The following SIAH1 variants were observed in gnomAD, a reference collection of about 807,000 sequenced individuals.
SIAH1 encodes the protein siah E3 ubiquitin protein ligase 1.
A neutral mutation model predicts 20.0 loss-of-function variants in SIAH1; 2 were observed. The observed-to-expected ratio is 0.10, with a 90% CI of 0.04 to 0.31. The LOEUF is 0.31. Among genes scored for constraint, SIAH1 ranks in the 10% least tolerant of loss-of-function variants. The probability of loss-of-function intolerance (pLI) is 1.00; values close to 1 mark genes in which losing one functional copy is unlikely to be tolerated. For missense variants in SIAH1, 119 were observed against 355.3 expected (o/e 0.33, Z 5.35); for synonymous variants, 118 against 125.3 (o/e 0.94, Z 0.39).
Position 48,370,714 on chromosome 16 carries a change from G to C in SIAH1, c.-2-8284C>G, listed in dbSNP as rs956555373. Reference sequence around the variant, plus strand: ...CCAGCTATTCGGGAGACTGAGGCAGGAGAATGGCGTGAATCCGGGAGGCGG... The same window carrying C: ...CCAGCTATTCGGGAGACTGAGGCAGCAGAATGGCGTGAATCCGGGAGGCGG... On this transcript the variant is annotated intron_variant, in intron 1 of 1. Transcript: ENST00000394725. 2.0e-4 allele frequency among the ~76,000 whole-genome samples: 31 copies of C among 151,444 alleles called. 1 individual carries two copies. The highest frequency in any genetic ancestry group is 1.9e-3 in the Admixed American group (29 of 15,178).
intron 1 of SIAH1, among the ~76,000 whole-genome samples, chr16:48,371,502 A>G (rs1960985915): frequency 6.6e-6 from 1 of 152,266 alleles, no homozygotes; most frequent in Non-Finnish European, 1.5e-5. Flanking sequence ...AGAATCACAT[A>G]TTCTAAGTCT....
intron 1 of SIAH1, among the ~76,000 whole-genome samples, 199 bp downstream of exon 1, chr16:48,385,005 C>T (rs1229199562): frequency 2.0e-5 from 3 of 147,652 alleles, no homozygotes; most frequent in Admixed American, 6.7e-5. Flanking sequence ...CTTGCGAAGG[C>T]TGAAGGCAGG....
At chr16:48,368,979 G>GTATTCT in intron 1 of SIAH1, among the ~76,000 whole-genome samples, 1 of 152,064 alleles carries the variant, frequency 6.6e-6, no homozygotes, top group Non-Finnish European at 1.5e-5. Flanking sequence ...TTGACATTGT[G>GTATTCT]GCAGGTATTA....
rs1042711607 is a variant in SIAH1, at chr16:48,361,318, G to C, written c.*262C>G. On this transcript the variant is annotated 3_prime_UTR_variant, in exon 2 of 2. Coordinates refer to ENST00000394725, the MANE Select transcript of SIAH1 (RefSeq NM_003031.4). ...ACAAAACTCAGAATTATTTTACAAT[G>C]CTTCCTTTCTTAATACAAAAGATGC... 2.4e-5 allele frequency: 9 copies of C among 370,196 alleles called. No individual in the cohort carries two copies. Among genetic ancestry groups the C allele is most frequent in the African/African-American group, 1.7e-4 (8 of 48,264 alleles). The allele number at this position is 370,196 out of a possible 1,614,324, so 22.9% of individuals were successfully genotyped here.
intron 1 of SIAH1, among the ~76,000 whole-genome samples, chr16:48,375,278 T>G (rs1313697678): frequency 6.6e-6 from 1 of 152,220 alleles, no homozygotes; most frequent in Non-Finnish European, 1.5e-5. Context: ...GTGTGCTGCC[T>G]TCTTTAAATA....
chr16:48,379,703 T>C (rs756851785), intron 1 of SIAH1, among the ~76,000 whole-genome samples: 1 of 152,168 alleles, frequency 6.6e-6, no homozygotes, highest in Non-Finnish European at 1.5e-5. Flanking sequence ...TTCAGGAGGA[T>C]ATGTTACAGT....
rs547051624 is a variant in SIAH1 at position 48,371,458 on chromosome 16, TTTAAA to T, written c.-2-9033_-2-9029del. ...TCAAGAAAATAAACTTCCTAAAGTC[TTTAAA>T]TTAAACCTTTACTTTCCATCAAAGT... is the stretch of plus-strand genomic sequence containing the variant. On this transcript the variant is annotated intron_variant, in intron 1 of 1. Coordinates refer to ENST00000394725, the MANE Select transcript of SIAH1 (RefSeq NM_003031.4). Among the ~76,000 whole-genome samples the T allele has an allele frequency of 1.5e-4, 23 of 152,370 alleles. No individual in the cohort carries two copies. In the East Asian group the frequency reaches 3.3e-3, roughly 22 times the overall value.
At chr16:48,383,425 C>A (rs1189028521) in intron 1 of SIAH1, among the ~76,000 whole-genome samples, 1 of 152,188 alleles carries the variant, frequency 6.6e-6, no homozygotes, top group East Asian at 1.9e-4. Flanking sequence ...ATCCTCTCCA[C>A]CATAATTTGA....
intron 1 of SIAH1, among the ~76,000 whole-genome samples, chr16:48,367,515 A>G (rs1015328383): frequency 2.0e-5 from 3 of 152,214 alleles, no homozygotes; most frequent in African/African-American, 7.2e-5. Flanking sequence ...GACTGTTTCC[A>G]GCCTCAACTG....
Position 48,385,207 on chromosome 16 carries a change from T to C in SIAH1, c.-6A>G. On this transcript the variant is annotated 5_prime_UTR_variant, in exon 1 of 2. Transcript: ENST00000394725. ...CCTCAGGCCGGGCCCCACTTACCTG[T>C]GGGCGGAGAGCGCGCCTCGGACCCC... is the stretch of plus-strand genomic sequence containing the variant. 2 of 324,300 alleles carry C rather than the reference T, an allele frequency of 6.2e-6. No individual in the cohort carries two copies. The highest frequency in any genetic ancestry group is 4.1e-5 in the South Asian group (2 of 48,528). The allele number at this position is 324,300 out of a possible 1,614,324, so 20.1% of individuals were successfully genotyped here.
chr16:48,366,674 T>C (rs1960849843), intron 1 of SIAH1, among the ~76,000 whole-genome samples: 1 of 152,200 alleles, frequency 6.6e-6, no homozygotes, highest in Non-Finnish European at 1.5e-5. Flanking sequence ...TAACCTGTCA[T>C]TACATCATGC....
chr16:48,367,413 T>TATGG (rs1230202643), intron 1 of SIAH1, among the ~76,000 whole-genome samples: 9 of 152,210 alleles, frequency 5.9e-5, no homozygotes, highest in African/African-American at 2.2e-4. Context: ...CAGGCCCCTC[T>TATGG]ACTTAATTAA....
At chr16:48,368,652 C>G (rs567569660) in intron 1 of SIAH1, among the ~76,000 whole-genome samples, 1 of 151,756 alleles carries the variant, frequency 6.6e-6, no homozygotes, top group Admixed American at 6.6e-5. Context: ...GAGCCAAGAT[C>G]GACTTGAACC....
Position 48,385,195 on chromosome 16 carries a change from C to T in SIAH1, c.-3+9G>A, listed in dbSNP as rs1443062938. On this transcript the variant is annotated intron_variant, in intron 1 of 1. Coordinates refer to ENST00000394725, the MANE Select transcript of SIAH1 (RefSeq NM_003031.4). The stretch of plus-strand genomic sequence containing the variant: ...CGCCGGCTCCTCCCTCAGGCCGGGC[C>T]CCACTTACCTGTGGGCGGAGAGCGC... The T allele has an allele frequency of 3.2e-6, 1 of 313,652 alleles. No homozygotes were observed. Among genetic ancestry groups the T allele is most frequent in the South Asian group, 2.1e-5 (1 of 47,010 alleles). 19.4% of individuals were successfully genotyped at this position (313,652 alleles called of 1,614,324 possible).
chr16:48,382,430 C>T (rs1961323051), intron 1 of SIAH1, among the ~76,000 whole-genome samples: 1 of 152,008 alleles, frequency 6.6e-6, no homozygotes, highest in South Asian at 2.1e-4. Context: ...TTAGAATACG[C>T]ACAGTAGTAG....
intron 1 of SIAH1, among the ~76,000 whole-genome samples, chr16:48,366,077 T>TGG (rs1309146377): frequency 6.6e-6 from 1 of 151,442 alleles, no homozygotes; most frequent in Non-Finnish European, 1.5e-5. Flanking sequence ...GCCGGGGGCG[T>TGG]GGGGGAGCCC....
chr16:48,372,126 A>C (rs1482875423), intron 1 of SIAH1, among the ~76,000 whole-genome samples: 3 of 152,220 alleles, frequency 2.0e-5, no homozygotes, highest in Admixed American at 6.5e-5. Flanking sequence ...AAGAAATTAA[A>C]GAAACAGGGT....
intron 1 of SIAH1, among the ~76,000 whole-genome samples, chr16:48,372,176 G>A (rs1430174995): frequency 6.6e-6 from 1 of 152,074 alleles, no homozygotes; most frequent in Non-Finnish European, 1.5e-5. Flanking sequence ...TTTGATTGAT[G>A]GCTCTTTACT....
rs1174617089 is a variant in SIAH1 at position 48,385,299 on chromosome 16, G to A, written c.-98C>T. ...GCGGGCAGCGCCACCGCCTCTTCCC[G>A]GCGCCGAGACCGACGGGACACCCTG... On this transcript the variant is annotated 5_prime_UTR_variant, in exon 1 of 2. Coordinates refer to ENST00000394725, the MANE Select transcript of SIAH1 (RefSeq NM_003031.4). 3.6e-6 allele frequency: 1 copy of A among 277,334 alleles called. No individual in the cohort carries two copies. The highest frequency in any genetic ancestry group is 2.7e-5 in the South Asian group (1 of 36,932). 17.2% of individuals were successfully genotyped at this position (277,334 alleles called of 1,614,324 possible). A position where few individuals can be genotyped will look rare whatever the true frequency, so the allele number is the denominator to read the frequency against.
Sources: allele counts gnomAD v4.1 joint callset (sites outside exome capture counted in the v4.1 genomes callset), GRCh38; gene constraint gnomAD v4.1.1; transcripts MANE v1.5; gene names NCBI Gene and HGNC (gene_info 2026-07-23, HGNC 2026-07-21).